The following DYSF variants were observed in gnomAD, a reference collection of about 807,000 sequenced individuals.
DYSF encodes the protein dysferlin.
In DYSF, 212 loss-of-function variants were observed where a neutral mutation model predicts 274.9. The observed-to-expected ratio is 0.77, with a 90% CI of 0.69 to 0.86. DYSF has a LOEUF of 0.86. Among genes scored for constraint, DYSF ranks in the 40% least tolerant of loss-of-function variants. The pLI is 0.00. For synonymous variants in DYSF, 1,091 were observed against 1,078.7 expected (o/e 1.01, Z -0.22); for missense variants, 2,666 against 2,783.2 (o/e 0.96, Z 0.95).
chr2:71,601,300 T>G, intron 34 of DYSF, 199 bp from the exon 35 acceptor site: 2 of 701,944 alleles, frequency 2.8e-6, no homozygotes, highest in Non-Finnish European at 5.0e-6. Context: ...ATAAGTAGAC[T>G]GAATAGGAGT....
intron 48 of DYSF, 150 bp from the exon 49 acceptor site, chr2:71,668,604 C>T (rs2095060487): frequency 2.8e-6 from 2 of 723,180 alleles, no homozygotes; most frequent in East Asian, 5.4e-5. Flanking sequence ...TGCGGTTGAC[C>T]CTGTAGTCCC....
At chr2:71,606,540 G>C (rs577665243) in intron 36 of DYSF, among the ~76,000 whole-genome samples, 2 of 152,170 alleles carry the variant, frequency 1.3e-5, no homozygotes, top group East Asian at 3.9e-4. Context: ...CTGGAGAGGG[G>C]GTGCTGTGCC....
intron 32 of DYSF, among the ~76,000 whole-genome samples, chr2:71,592,803 G>A (rs567982253): frequency 7.5e-4 from 115 of 152,328 alleles, no homozygotes; most frequent in African/African-American, 2.6e-3. Flanking sequence ...TCTCTATATG[G>A]TGGGTCTCGG....
chr2:71,503,242 C>G lies in DYSF; in HGVS notation c.268C>G (p.Arg90Gly). Reference protein sequence around the residue: ...RFLGEAKVPLREVLATPSLSA... With the variant: ...RFLGEAKVPLGEVLATPSLSA... ...CCTGGGGGAAGCCAAGGTCCCACTC[C>G]GAGAGGTCCTCGCCACCCCTAGTCT... Residue 90 changes from arginine to glycine, a missense_variant, in exon 4 of 56, where the codon CGA becomes GGA. By Grantham distance (125) the Arg-to-Gly change is moderately radical. Transcript: ENST00000410020. 4 of 1,614,032 alleles carry G rather than the reference C, an allele frequency of 2.5e-6. No homozygotes were observed. The highest frequency in any genetic ancestry group is 3.4e-6 in the Non-Finnish European group (4 of 1,179,948).
chr2:71,645,431 G>T (rs1169982507), intron 42 of DYSF, among the ~76,000 whole-genome samples: 1 of 151,932 alleles, frequency 6.6e-6, no homozygotes, highest in East Asian at 1.9e-4. Context: ...GAGGCCTGTT[G>T]GTGTGCTCCT....
upstream of DYSF, among the ~76,000 whole-genome samples, chr2:71,466,271 C>G (rs2081524109): frequency 6.6e-6 from 1 of 152,244 alleles, no homozygotes; most frequent in South Asian, 2.1e-4. Flanking sequence ...CTCACTCAGA[C>G]TTGGTTTCCC....
chr2:71,570,586 C>T lies in DYSF; in HGVS notation c.3086-13C>T, dbSNP rs759266871. On this transcript the variant is annotated splice_polypyrimidine_tract_variant and intron_variant, in intron 28 of 55. Coordinates refer to ENST00000410020, the MANE Select transcript of DYSF (RefSeq NM_001130987.2). Reference sequence around the variant, plus strand: ...ACTGCCAAGCAATGAGTGACCGGTTCCCCCTCCCCCAGGCTGGGAGTATAG... The same window carrying T: ...ACTGCCAAGCAATGAGTGACCGGTTTCCCCTCCCCCAGGCTGGGAGTATAG... 37 of 1,612,928 alleles carry T rather than the reference C, an allele frequency of 2.3e-5. No individual in the cohort carries two copies. The highest frequency in any genetic ancestry group is 3.0e-5 in the Non-Finnish European group (35 of 1,179,636).
intron 12 of DYSF, among the ~76,000 whole-genome samples, chr2:71,521,902 G>A (rs1368275837): frequency 1.3e-5 from 2 of 152,072 alleles, no homozygotes; most frequent in Non-Finnish European, 2.9e-5. Context: ...TCCAACCTCA[G>A]CTTCCCTTGG....
At chr2:71,543,323 C>T (rs1317012239) in intron 17 of DYSF, among the ~76,000 whole-genome samples, 1 of 151,186 alleles carries the variant, frequency 6.6e-6, no homozygotes, top group Non-Finnish European at 1.5e-5. Context: ...CAGAGACACT[C>T]CTCACTTCCT....
At chr2:71,455,393 G>A (rs1293878076) in intron 1 of DYSF, among the ~76,000 whole-genome samples, 8 of 152,192 alleles carry the variant, frequency 5.3e-5, no homozygotes, top group Admixed American at 4.6e-4. Flanking sequence ...GGGGACCAAG[G>A]GGGTGGCTGT....
chr2:71,575,329 C>T (rs1418351054), intron 30 of DYSF, among the ~76,000 whole-genome samples: 1 of 152,134 alleles, frequency 6.6e-6, no homozygotes, highest in Non-Finnish European at 1.5e-5. Context: ...CCAACAGTGG[C>T]AGTATAGGAG....
chr2:71,514,385 CTCTG>C (rs1313802696), intron 7 of DYSF, among the ~76,000 whole-genome samples: 4 of 152,112 alleles, frequency 2.6e-5, no homozygotes, highest in Admixed American at 1.3e-4. Context: ...CTCAAAGAAG[CTCTG>C]TCTAACATCT....
intron 20 of DYSF, 55 bp from the exon 21 acceptor site, chr2:71,553,752 A>AAACCC: frequency 3.4e-5 from 9 of 267,798 alleles, no homozygotes; most frequent in East Asian, 1.3e-4. Flanking sequence ...TTAGCACCCC[A>AAACCC]TCCCACCCGC....
chr2:71,618,763 C>T (rs2094014897), intron 40 of DYSF, among the ~76,000 whole-genome samples: 1 of 150,762 alleles, frequency 6.6e-6, no homozygotes, highest in African/African-American at 2.4e-5. Flanking sequence ...GGTGTGTGTC[C>T]GTGTGAGTGT....
chr2:71,659,391 AC>A, intron 44 of DYSF, among the ~76,000 whole-genome samples: 1 of 152,342 alleles, frequency 6.6e-6, no homozygotes, highest in South Asian at 2.1e-4. Flanking sequence ...TGTGTCTAGA[AC>A]AAGAATAAAG....
At chr2:71,551,296 G>A in intron 18 of DYSF, 140 bp downstream of exon 18, 2 of 845,086 alleles carry the variant, frequency 2.4e-6, no homozygotes, top group Admixed American at 4.0e-5. Context: ...TTCTCCTTCT[G>A]CCCCTTGACA....
At chr2:71,520,966 C>G in intron 12 of DYSF, 62 bp downstream of exon 12, 1 of 1,401,052 alleles carries the variant, frequency 7.1e-7, no homozygotes, top group Non-Finnish European at 1.0e-6. Flanking sequence ...TGCGGAGGCA[C>G]CAAACCACAA....
At chr2:71,642,242 T>C (rs2094497928) in intron 41 of DYSF, among the ~76,000 whole-genome samples, 1 of 152,228 alleles carries the variant, frequency 6.6e-6, no homozygotes, top group Non-Finnish European at 1.5e-5. Context: ...AACAGCTAAA[T>C]TGGATTCCAT....
chr2:71,564,021 G>A lies in DYSF; in HGVS notation c.2410-37G>A, dbSNP rs202087881. On this transcript the variant is annotated intron_variant, in intron 23 of 55. Transcript: ENST00000410020. ...TGGCTGTGGGGCGTGGGCCTGGTGT[G>A]TCACCATCCCCACCCCGACCACCAC... The A allele has an allele frequency of 1.3e-3, 2,174 of 1,612,612 alleles. 1 individual carries two copies. Among genetic ancestry groups the A allele is most frequent in the Non-Finnish European group, 1.8e-3 (2,065 of 1,179,748 alleles).
Sources: allele counts gnomAD v4.1 joint callset (sites outside exome capture counted in the v4.1 genomes callset), GRCh38; gene constraint gnomAD v4.1.1; transcripts MANE v1.5; gene names NCBI Gene and HGNC (gene_info 2026-07-23, HGNC 2026-07-21).